The following PAN3 variants were observed in gnomAD, a reference collection of about 807,000 sequenced individuals.
PAN3 encodes poly(A) specific ribonuclease subunit PAN3, also known as PAN2-PAN3 deadenylation complex subunit PAN3.
In PAN3, 19 loss-of-function variants were observed where a neutral mutation model predicts 96.2. The ratio of observed to expected loss-of-function variants is 0.20; its 90% CI spans 0.14 to 0.29. PAN3 has a LOEUF of 0.29. PAN3 is among the 10% of genes least tolerant of loss of function. PAN3 has a pLI of 1.00. For synonymous variants in PAN3, 433 were observed against 406.6 expected, an observed-to-expected ratio of 1.06 and a Z score of -0.78; for missense variants, 882 against 1,108.1, an observed-to-expected ratio of 0.80 and a Z score of 2.90.
chr13:28,155,251 A>G (rs760931977), intron 1 of PAN3, among the ~76,000 whole-genome samples: 2 of 152,108 alleles, frequency 1.3e-5, no homozygotes, highest in Non-Finnish European at 2.9e-5. Context: ...TAATTATTAA[A>G]CATATATTTA....
chr13:28,284,029 T>C (rs1022384910), intron 17 of PAN3, among the ~76,000 whole-genome samples: 4 of 152,200 alleles, frequency 2.6e-5, no homozygotes, highest in African/African-American at 7.2e-5. Context: ...TACTTAATCT[T>C]ATATATATGT....
chr13:28,246,805 A>G (rs532729984), intron 6 of PAN3, among the ~76,000 whole-genome samples: 25 of 151,956 alleles, frequency 1.6e-4, no homozygotes, highest in Non-Finnish European at 2.1e-4. Flanking sequence ...TATGTACCAC[A>G]TTTTCTTCAT....
Position 28,256,149 on chromosome 13 carries a change from A to C in PAN3, c.1001-143A>C. The C allele has an allele frequency of 3.3e-6, 3 of 910,734 alleles. No homozygotes were observed. The South Asian group carries it at 5.1e-5, about 16-fold the overall frequency. 56.4% of individuals were successfully genotyped at this position (910,734 alleles called of 1,614,324 possible). Reference sequence around the variant, plus strand: ...TCAGAGCTTTTTCTACAACAAAACAAGATAAAATTATTTCCTTCATCTTTG... The same window carrying C: ...TCAGAGCTTTTTCTACAACAAAACACGATAAAATTATTTCCTTCATCTTTG... On this transcript the variant is annotated intron_variant, in intron 6 of 18. Transcript: ENST00000380958.
chr13:28,200,442 C>T (rs1188519601), intron 5 of PAN3, among the ~76,000 whole-genome samples: 1 of 152,202 alleles, frequency 6.6e-6, no homozygotes, highest in Non-Finnish European at 1.5e-5. Context: ...AACCAACTAA[C>T]AAGAAACTTA....
At chr13:28,167,742 C>T (rs1873777472) in intron 1 of PAN3, among the ~76,000 whole-genome samples, 1 of 151,598 alleles carries the variant, frequency 6.6e-6, no homozygotes, top group African/African-American at 2.4e-5. Context: ...TATTTGGGGG[C>T]CTGAGGTGAG....
intron 5 of PAN3, among the ~76,000 whole-genome samples, chr13:28,204,982 C>G (rs1422811344): frequency 6.6e-6 from 1 of 152,070 alleles, no homozygotes; most frequent in East Asian, 1.9e-4. Flanking sequence ...TTCCCCTTGT[C>G]TGATTAAATG....
intron 15 of PAN3, among the ~76,000 whole-genome samples, chr13:28,278,689 T>A (rs999597193): frequency 7.2e-5 from 11 of 152,178 alleles, no homozygotes; most frequent in Admixed American, 2.6e-4. Context: ...TTAATTTTTT[T>A]AATTCTCCCA....
rs773164237 is a variant in PAN3, at chr13:28,220,381, A to G, written c.1000+3A>G. ...TGCTACTGCTGGATTAGCGCCAGGTAAGTTGAGTAACTATTTCCAGTGAGT... is the reference window on the plus strand; with the variant it reads ...TGCTACTGCTGGATTAGCGCCAGGTGAGTTGAGTAACTATTTCCAGTGAGT... On this transcript the variant is annotated splice_donor_region_variant and intron_variant, in intron 6 of 18. Transcript: ENST00000380958. The G allele has an allele frequency of 5.0e-6, 8 of 1,612,878 alleles. No individual in the cohort carries two copies. Among genetic ancestry groups the G allele is most frequent in the Non-Finnish European group, 6.8e-6 (8 of 1,179,376 alleles).
chr13:28,266,648 T>G (rs1360621760), intron 9 of PAN3, 67 bp from the exon 10 acceptor site: 1 of 1,270,678 alleles, frequency 7.9e-7, no homozygotes, highest in Non-Finnish European at 1.1e-6. Flanking sequence ...TATCATGTCT[T>G]CTGTATTTTT....
At chr13:28,230,718 A>G (rs908249303) in intron 6 of PAN3, among the ~76,000 whole-genome samples, 7 of 152,314 alleles carry the variant, frequency 4.6e-5, no homozygotes, top group South Asian at 2.1e-4. Context: ...AATTAAAATT[A>G]CATTGTTAAC....
chr13:28,138,757 G>A lies in PAN3; in HGVS notation c.100G>A (p.Gly34Arg), dbSNP rs1458617646. The A allele has an allele frequency of 1.5e-6, 2 of 1,336,580 alleles. No individual in the cohort carries two copies. The allele number at this position is 1,336,580 out of a possible 1,614,324, so 82.8% of individuals were successfully genotyped here. A position where few individuals can be genotyped will look rare whatever the true frequency, so the allele number is the denominator to read the frequency against. Residue 34 changes from glycine to arginine, a missense_variant, in exon 1 of 19, where the codon GGG (glycine) becomes AGG (arginine). Physicochemically the swap from Gly to Arg is moderately radical, Grantham distance 125 (BLOSUM62 -2). Around this residue, in one of 3 missense-constraint regions of PAN3, gnomAD observed 442 missense variants for 422.8 expected, o/e 1.05. Transcript: ENST00000380958. ...AVAVVAPPGV[G>R]GVPGGAAVGV... ...GGCGGTGGTGGCCCCGCCGGGGGTC[G>A]GGGGTGTCCCCGGCGGGGCGGCGGT...
chr13:28,172,908 A>C (rs962777978), intron 1 of PAN3, among the ~76,000 whole-genome samples: 2 of 152,138 alleles, frequency 1.3e-5, no homozygotes, highest in Non-Finnish European at 2.9e-5. Context: ...AAAAGAAGAG[A>C]GTTTATTTGG....
At chr13:28,291,258 TAATGA>T (rs1227226765) in intron 18 of PAN3, among the ~76,000 whole-genome samples, 1 of 152,176 alleles carries the variant, frequency 6.6e-6, no homozygotes, top group African/African-American at 2.4e-5. Flanking sequence ...ATGTATCAAT[TAATGA>T]AATAAAGTAC....
At chr13:28,197,483 A>C in intron 5 of PAN3, 137 bp downstream of exon 5, 1 of 778,846 alleles carries the variant, frequency 1.3e-6, no homozygotes, top group Admixed American at 3.3e-5. Flanking sequence ...TTTTAATCAG[A>C]ATAAAGTTAG....
intron 4 of PAN3, among the ~76,000 whole-genome samples, chr13:28,182,586 T>C (rs1257806914): frequency 3.9e-5 from 6 of 152,194 alleles, no homozygotes; most frequent in African/African-American, 7.2e-5. Context: ...CAAAGACTTT[T>C]GAAGTATCAT....
At chr13:28,213,937 C>T (rs1439476628) in intron 5 of PAN3, among the ~76,000 whole-genome samples, 3 of 152,024 alleles carry the variant, frequency 2.0e-5, no homozygotes, top group East Asian at 1.9e-4. Flanking sequence ...AGTATGTATT[C>T]CTGAGTACAT....
intron 1 of PAN3, among the ~76,000 whole-genome samples, chr13:28,149,038 C>G (rs74336268): frequency 0.026 from 3,872 of 151,678 alleles, 151 homozygotes; most frequent in African/African-American, 0.089. Context: ...CTTCAGTAAT[C>G]TGGTTCACAG....
chr13:28,180,457 A>G (rs1307453597), intron 4 of PAN3, among the ~76,000 whole-genome samples: 2 of 152,206 alleles, frequency 1.3e-5, no homozygotes, highest in South Asian at 2.1e-4. Context: ...ATCTCTTTAC[A>G]TTAGAAATAC....
chr13:28,176,651 G>A, intron 3 of PAN3, 92 bp downstream of exon 3: 2 of 1,212,742 alleles, frequency 1.6e-6, no homozygotes, highest in South Asian at 2.7e-5. Flanking sequence ...TTTGAAAATT[G>A]TAAACGGGCA....
Sources: gnomAD v4.1 joint callset for allele counts (sites outside exome capture counted in the v4.1 genomes callset) on GRCh38, gnomAD v4.1.1 for gene constraint, gnomAD v4.1.1 regional missense constraint, MANE v1.5 for transcripts, NCBI Gene and HGNC (gene_info 2026-07-23, HGNC 2026-07-21) for gene names.